CPXM1: variants seen among roughly 807,000 people sequenced by gnomAD.
CPXM1 encodes the protein carboxypeptidase X, M14 family member 1.
A neutral mutation model predicts 80.4 loss-of-function variants in CPXM1; 72 were observed. That is an observed-to-expected ratio of 0.90 (90% CI 0.74 to 1.09). CPXM1 has a LOEUF of 1.09. CPXM1 is among the 50% of genes least tolerant of loss of function. The pLI, the probability that CPXM1 is intolerant of heterozygous loss-of-function variation, is 0.00. For missense variants in CPXM1, 892 were observed against 999.4 expected (o/e 0.89, Z 1.45); for synonymous variants, 403 against 405.6 (o/e 0.99, Z 0.08).
chr20:2,798,009 TC>T lies in CPXM1; in HGVS notation c.639del (p.Thr214ProfsTer27), dbSNP rs1322922279. ...CTGTGGTTCCTACTTCCCCACCAGG[TC>T]CGACTGTCATTGCTGAACTGGACCT... is the stretch of plus-strand genomic sequence containing the variant. Reference protein sequence around the residue: ...SYKVQFSNDSRTWWGSRNHSS... With the variant: ...SYKVQFSNDSXTWWGSRNHSS... On this transcript the variant is annotated frameshift_variant, in exon 5 of 14. Transcript: ENST00000380605. LOFTEE classifies it high-confidence loss of function. 3 of 1,614,006 alleles carry T rather than the reference TC, an allele frequency of 1.9e-6. No individual in the cohort carries two copies. The highest frequency in any genetic ancestry group is 2.5e-6 in the Non-Finnish European group (3 of 1,180,024).
Position 2,796,242 on chromosome 20 carries a change from C to T in CPXM1, c.1242+5G>A. 1 of 1,612,916 alleles carries T rather than the reference C, an allele frequency of 6.2e-7. No homozygotes were observed. Among genetic ancestry groups the T allele is most frequent in the Non-Finnish European group, 8.5e-7 (1 of 1,179,350 alleles). ...ACAGAGTGGCCCTCATGCTGGGTGG[C>T]CTACCCGGTGGTAGGCGATCTCATA... On this transcript the variant is annotated splice_donor_5th_base_variant and intron_variant, in intron 9 of 13. Coordinates refer to ENST00000380605, the MANE Select transcript of CPXM1 (RefSeq NM_019609.5). This position sits in a 1 kb window ranked among gnomAD's most constrained non-coding sequence, Gnocchi z 6.8.
At position 2,798,064 on chromosome 20, in the gene CPXM1, A is replaced by G; in HGVS notation, c.591-6T>C. 1 of 1,614,144 alleles carries G rather than the reference A, an allele frequency of 6.2e-7. No homozygotes were observed. Among genetic ancestry groups the G allele is most frequent in the Non-Finnish European group, 8.5e-7 (1 of 1,179,998 alleles). Reference sequence around the variant, plus strand: ...ATGATGTGACCCAGTCATACCTGGCAGGAGAGGTGGAGAGAGATCATCGGT... The same window carrying G: ...ATGATGTGACCCAGTCATACCTGGCGGGAGAGGTGGAGAGAGATCATCGGT... On this transcript the variant is annotated splice_polypyrimidine_tract_variant and splice_region_variant and intron_variant, in intron 4 of 13. Transcript: ENST00000380605.
chr20:2,795,985 G>T lies in CPXM1; in HGVS notation c.1419C>A (p.Ala473=). ...CTGCCGCCCTCAAAATACTCACGGT[G>T]GCATTGGGCAGGGTGTAGTAAGTGG... The part of the protein sequence containing the change: ...PLPTYYTLPN[A]TVAPETRAVI... Residue 473 remains alanine, a synonymous_variant, in exon 10 of 14, where the codon GCC becomes GCA. Transcript: ENST00000380605. The surrounding 1 kb of genome is among the most constrained non-coding windows in gnomAD (Gnocchi z 5.4). 1 of 1,606,796 alleles carries T rather than the reference G, an allele frequency of 6.2e-7. No homozygotes were observed. Among genetic ancestry groups the T allele is most frequent in the South Asian group, 1.1e-5 (1 of 89,804 alleles).
rs566532310 is a variant in CPXM1, at chr20:2,800,378, G to A, written c.172+23C>T. 1.0e-5 allele frequency: 15 copies of A among 1,498,130 alleles called. No homozygotes were observed. The East Asian group carries it at 2.4e-4, about 24-fold the overall frequency. The allele number at this position is 1,498,130 out of a possible 1,614,324, so 92.8% of individuals were successfully genotyped here. ...CCGGGCAGTCGGCTTGCGGGGGAGCGGACCGTCGGTCGGGGAACTCACCGT... is the reference window on the plus strand; with the variant it reads ...CCGGGCAGTCGGCTTGCGGGGGAGCAGACCGTCGGTCGGGGAACTCACCGT... On this transcript the variant is annotated intron_variant, in intron 1 of 13. Coordinates refer to ENST00000380605, the MANE Select transcript of CPXM1 (RefSeq NM_019609.5).
At chr20:2,798,920 G>C in intron 1 of CPXM1, 27 bp from the exon 2 acceptor site, 1 of 1,602,988 alleles carries the variant, frequency 6.2e-7, no homozygotes, top group Non-Finnish European at 8.5e-7. Flanking sequence ...CACAGCATGG[G>C]GGAAAGGAAG....
At chr20:2,800,336 C>T (rs1258953479) in intron 1 of CPXM1, 65 bp downstream of exon 1, 1 of 1,387,996 alleles carries the variant, frequency 7.2e-7, no homozygotes, top group African/African-American at 1.5e-5. Context: ...GAGGGATCGC[C>T]CCACGGGGCA....
chr20:2,796,985 G>A lies in CPXM1; in HGVS notation c.921+21C>T, dbSNP rs1409834096. 2 of 1,609,430 alleles carry A rather than the reference G, an allele frequency of 1.2e-6. No homozygotes were observed. Reference sequence around the variant, plus strand: ...GAGATGGGTGGGCCCTCCTTCCCAGGTCATAGGGGTTATATCTGACCTTCC... The same window carrying A: ...GAGATGGGTGGGCCCTCCTTCCCAGATCATAGGGGTTATATCTGACCTTCC... On this transcript the variant is annotated intron_variant, in intron 7 of 13. Coordinates refer to ENST00000380605, the MANE Select transcript of CPXM1 (RefSeq NM_019609.5). This position sits in a 1 kb window ranked among gnomAD's most constrained non-coding sequence, Gnocchi z 6.8.
At position 2,798,408 on chromosome 20, in the gene CPXM1, T is replaced by A; in HGVS notation, c.450+20A>T. 6.2e-6 allele frequency: 10 copies of A among 1,607,524 alleles called. No homozygotes were observed. Among genetic ancestry groups the A allele is most frequent in the Non-Finnish European group, 7.7e-6 (9 of 1,175,650 alleles). ...GCCTTCCCTACCCTGAGACCATGGC[T>A]CCGAGCCAGGATTACTGACCTGAAT... On this transcript the variant is annotated intron_variant, in intron 3 of 13. Coordinates refer to ENST00000380605, the MANE Select transcript of CPXM1 (RefSeq NM_019609.5).
At position 2,796,702 on chromosome 20, in the gene CPXM1, G is replaced by A. The variant is rs1158369562; in HGVS notation, c.922-52C>T. Reference sequence around the variant, plus strand: ...GAGGCATGGGAGGGGTACACCCAGGGGCAGATCACATGTGCCATGGAAAGA... The same window carrying A: ...GAGGCATGGGAGGGGTACACCCAGGAGCAGATCACATGTGCCATGGAAAGA... On this transcript the variant is annotated intron_variant, in intron 7 of 13. Coordinates refer to ENST00000380605, the MANE Select transcript of CPXM1 (RefSeq NM_019609.5). The surrounding 1 kb of genome is among the most constrained non-coding windows in gnomAD (Gnocchi z 6.8). The A allele has an allele frequency of 3.7e-6, 6 of 1,603,730 alleles. No homozygotes were observed. Among genetic ancestry groups the A allele is most frequent in the Non-Finnish European group, 5.1e-6 (6 of 1,174,016 alleles).
At position 2,800,409 on chromosome 20, in the gene CPXM1, G is replaced by A; in HGVS notation, c.164C>T (p.Thr55Ile). Residue 55 changes from threonine to isoleucine, a missense_variant, in exon 1 of 14, where the codon ACA becomes ATA. Physicochemically the swap from Thr to Ile is moderately conservative, Grantham distance 89 (BLOSUM62 -1). Around this residue, in one of 2 missense-constraint regions of CPXM1, gnomAD observed 874 missense variants for 958.4 expected, o/e 0.91. Transcript: ENST00000380605. ...TCGGTCGGGGAACTCACCGTTAGCT[G>A]TCTCCGCCGGCGGCTGTGCCGGGCT... ...HSSPAQPPAE[T>I]ANGTSEQHVR... 1 of 1,531,210 alleles carries A rather than the reference G, an allele frequency of 6.5e-7. No homozygotes were observed. Among genetic ancestry groups the A allele is most frequent in the Non-Finnish European group, 8.7e-7 (1 of 1,146,992 alleles). The allele number at this position is 1,531,210 out of a possible 1,614,324, so 94.9% of individuals were successfully genotyped here. A position where few individuals can be genotyped will look rare whatever the true frequency, so the allele number is the denominator to read the frequency against.
chr20:2,794,317 G>T lies in CPXM1; in HGVS notation c.2078C>A (p.Pro693His). ...RNCRVTFEEG[P>H]FPCNFVLTKT... ...GGTGAGCACGAAATTGCAGGGGAAG[G>T]GGCCCTCTTCAAAGGTGACCCGACA... The change falls in exon 14 of 14, where the codon CCC becomes CAC. Residue 693 changes from proline to histidine, a missense_variant. Pro to His is a moderately conservative substitution (Grantham distance 77, BLOSUM62 -2). This residue lies in a region of CPXM1 where 874 missense variants were observed against 958.4 expected (regional missense o/e 0.91). Transcript: ENST00000380605. This position sits in a 1 kb window ranked among gnomAD's most constrained non-coding sequence, Gnocchi z 5.2. 1.2e-6 allele frequency: 2 copies of T among 1,614,174 alleles called. No homozygotes were observed. The highest frequency in any genetic ancestry group is 1.7e-6 in the Non-Finnish European group (2 of 1,180,042).
Position 2,795,173 on chromosome 20 carries a change from C to A in CPXM1, c.1860+104G>T, listed in dbSNP as rs989078297. 10 of 1,364,964 alleles carry A rather than the reference C, an allele frequency of 7.3e-6. No homozygotes were observed. The African/African-American group carries it at 1.0e-4, about 14-fold the overall frequency. The allele number at this position is 1,364,964 out of a possible 1,614,324, so 84.6% of individuals were successfully genotyped here. A position where few individuals can be genotyped will look rare whatever the true frequency, so the allele number is the denominator to read the frequency against. ...GCATGGCCCATGGCATCTTGTGAGT[C>A]TGAATGCTCAGCTGGACCTTAGAAG... On this transcript the variant is annotated intron_variant, in intron 12 of 13. Coordinates refer to ENST00000380605, the MANE Select transcript of CPXM1 (RefSeq NM_019609.5). This position sits in a 1 kb window ranked among gnomAD's most constrained non-coding sequence, Gnocchi z 5.4.
chr20:2,798,750 C>T lies in CPXM1; in HGVS notation c.316G>A (p.Asp106Asn), dbSNP rs777169820. Reference protein sequence around the residue: ...LVTPTPAGTLDPAEKQETGCP... With the variant: ...LVTPTPAGTLNPAEKQETGCP... ...CCTGTTTCTTGTTTCTCAGCGGGGT[C>T]GAGGGTCCCTGCTGGAGTGGGGGTC... The change falls in exon 2 of 14, where the codon GAC becomes AAC. Residue 106 changes from aspartate (D) to asparagine (N), a missense_variant. Around this residue, in one of 2 missense-constraint regions of CPXM1, gnomAD observed 874 missense variants for 958.4 expected, o/e 0.91. Transcript: ENST00000380605. 9 of 1,613,012 alleles carry T rather than the reference C, an allele frequency of 5.6e-6. No individual in the cohort carries two copies. The highest frequency in any genetic ancestry group is 6.8e-6 in the Non-Finnish European group (8 of 1,179,666).
At position 2,796,751 on chromosome 20, in the gene CPXM1, C is replaced by T; in HGVS notation, c.922-101G>A. ...GACTTAAAAAGTCAGCGATGGCCCA[C>T]ACAGAGGGGGCATCCCATCATGGTA... On this transcript the variant is annotated intron_variant, in intron 7 of 13. Coordinates refer to ENST00000380605, the MANE Select transcript of CPXM1 (RefSeq NM_019609.5). The surrounding 1 kb of genome is among the most constrained non-coding windows in gnomAD (Gnocchi z 6.8). 3.4e-6 allele frequency: 5 copies of T among 1,489,460 alleles called. No individual in the cohort carries two copies. The Admixed American group carries it at 7.5e-5, about 22-fold the overall frequency. The allele number at this position is 1,489,460 out of a possible 1,614,324, so 92.3% of individuals were successfully genotyped here.
In CPXM1 at chr20:2,796,389, C is replaced by T. The variant is rs377267267; in HGVS notation, c.1100G>A (p.Arg367Gln). The T allele has an allele frequency of 1.2e-5, 19 of 1,614,018 alleles. No individual in the cohort carries two copies. The highest frequency in any genetic ancestry group is 1.1e-4 in the South Asian group (10 of 91,096). Reference sequence around the variant, plus strand: ...CTGCATCAGGAGCAGAAGCAACTCCCGCCCCAGGGCCTCGTTCCCATGCAT... The same window carrying T: ...CTGCATCAGGAGCAGAAGCAACTCCTGCCCCAGGGCCTCGTTCCCATGCAT... Reference protein sequence around the residue: ...AGMHGNEALGRELLLLLMQFL... With the variant: ...AGMHGNEALGQELLLLLMQFL... Residue 367 changes from arginine to glutamine, a missense_variant, in exon 9 of 14, where the codon CGG becomes CAG. Arg to Gln is a conservative substitution (Grantham distance 43). Around this residue, in one of 2 missense-constraint regions of CPXM1, gnomAD observed 874 missense variants for 958.4 expected, o/e 0.91. Transcript: ENST00000380605. This position sits in a 1 kb window ranked among gnomAD's most constrained non-coding sequence, Gnocchi z 6.8.
chr20:2,800,476 C>G lies in CPXM1; in HGVS notation c.97G>C (p.Gly33Arg). 6.9e-7 allele frequency: 1 copy of G among 1,447,134 alleles called. No homozygotes were observed. Among genetic ancestry groups the G allele is most frequent in the Non-Finnish European group, 9.0e-7 (1 of 1,107,926 alleles). The allele number at this position is 1,447,134 out of a possible 1,614,324, so 89.6% of individuals were successfully genotyped here. ...GTCGAGCCTGGGACCTTGGTGGTCC[C>G]GGGCTGCGCGAGGCCCAGCACCGAG... ...RNSVLGLAQP[G>R]TTKVPGSTPA... The change falls in exon 1 of 14, where the codon GGG becomes CGG. Residue 33 changes from glycine to arginine, a missense_variant. By Grantham distance (125) the Gly-to-Arg change is moderately radical. This residue lies in a region of CPXM1 where 874 missense variants were observed against 958.4 expected (regional missense o/e 0.91). Coordinates refer to ENST00000380605, the MANE Select transcript of CPXM1 (RefSeq NM_019609.5).
Position 2,795,442 on chromosome 20 carries a change from C to T in CPXM1, c.1721-26G>A. On this transcript the variant is annotated intron_variant, in intron 11 of 13. Coordinates refer to ENST00000380605, the MANE Select transcript of CPXM1 (RefSeq NM_019609.5). The surrounding 1 kb of genome is among the most constrained non-coding windows in gnomAD (Gnocchi z 5.4). ...CTAAGGGGACCACAGACACTGCTGCCTAAGCAGGCGGGATGCGGTCCCATC... is the reference window on the plus strand; with the variant it reads ...CTAAGGGGACCACAGACACTGCTGCTTAAGCAGGCGGGATGCGGTCCCATC... 1 of 1,610,100 alleles carries T rather than the reference C, an allele frequency of 6.2e-7. No individual in the cohort carries two copies. Among genetic ancestry groups the T allele is most frequent in the Non-Finnish European group, 8.5e-7 (1 of 1,176,958 alleles).
chr20:2,796,425 T>C lies in CPXM1; in HGVS notation c.1064A>G (p.Tyr355Cys), dbSNP rs2088509716. The C allele has an allele frequency of 8.1e-6, 13 of 1,613,946 alleles. No homozygotes were observed. The highest frequency in any genetic ancestry group is 1.1e-5 in the Non-Finnish European group (13 of 1,179,984). Reference sequence around the variant, plus strand: ...CTCGTTCCCATGCATGCCAGCCACGTAGCGCACCTCAGGCTCCCCTGGGGA... The same window carrying C: ...CTCGTTCCCATGCATGCCAGCCACGCAGCGCACCTCAGGCTCCCCTGGGGA... ...EHELGEPEVR[Y>C]VAGMHGNEAL... The change falls in exon 9 of 14, where the codon TAC (tyrosine) becomes TGC (cysteine). Residue 355 changes from tyrosine to cysteine, a missense_variant. Physicochemically the swap from Tyr to Cys is radical, Grantham distance 194. Transcript: ENST00000380605. The surrounding 1 kb of genome is among the most constrained non-coding windows in gnomAD (Gnocchi z 6.8).
In CPXM1 at chr20:2,798,720, A is replaced by T; in HGVS notation, c.340+6T>A. The T allele has an allele frequency of 2.5e-6, 4 of 1,609,634 alleles. No individual in the cohort carries two copies. Among genetic ancestry groups the T allele is most frequent in the Non-Finnish European group, 3.4e-6 (4 of 1,178,008 alleles). ...AGTCTGGGCTGGGCCCCTGGAGAGG[A>T]AGTACCTGTTTCTTGTTTCTCAGCG... On this transcript the variant is annotated splice_donor_region_variant and intron_variant, in intron 2 of 13. Transcript: ENST00000380605.
Sources: allele counts gnomAD v4.1 joint callset, GRCh38; gene constraint gnomAD v4.1.1; regional missense constraint gnomAD v4.1.1; non-coding constraint Gnocchi (gnomAD v3.1); transcripts MANE v1.5; gene names NCBI Gene and HGNC (gene_info 2026-07-23, HGNC 2026-07-21).